NELFCD: variants seen among roughly 807,000 people sequenced by gnomAD.
The protein encoded by NELFCD is negative elongation factor C/D.
NELFCD carries 48 observed loss-of-function variants against 72.9 expected under a neutral mutation model. The ratio of observed to expected loss-of-function variants is 0.66; its 90% CI spans 0.52 to 0.84. The LOEUF (loss-of-function observed/expected upper bound fraction) is 0.84, where lower values mean the gene tolerates loss of function less well. Ranked by LOEUF, NELFCD falls within the 40% of genes least tolerant of loss-of-function variation. NELFCD has a pLI of 0.00. For synonymous variants in NELFCD, 297 were observed against 280.6 expected (o/e 1.06, Z -0.59); for missense variants, 538 against 723.8 (o/e 0.74, Z 2.94).
At chr20:58,992,470 C>T (rs989778984) in intron 10 of NELFCD, among the ~76,000 whole-genome samples, 2 of 152,226 alleles carry the variant, frequency 1.3e-5, no homozygotes, top group East Asian at 1.9e-4. Flanking sequence ...ACCCAGTCCA[C>T]CAAACTCACT....
chr20:58,994,637 T>A lies in NELFCD; in HGVS notation c.1712-5T>A, dbSNP rs2091845849. On this transcript the variant is annotated splice_region_variant and splice_polypyrimidine_tract_variant and intron_variant, in intron 14 of 14. Coordinates refer to ENST00000652272, the MANE Select transcript of NELFCD (RefSeq NM_198976.4). ...CTAACACAGTCACTGTTTTCCTCGT[T>A]AAAGCTCACTGCAAATCTAACTTCA... The A allele has an allele frequency of 6.2e-7, 1 of 1,607,360 alleles. No homozygotes were observed. The highest frequency in any genetic ancestry group is 1.3e-5 in the African/African-American group (1 of 74,806).
At chr20:58,987,135 T>G (rs1442564967) in intron 3 of NELFCD, 2 of 433,172 alleles carry the variant, frequency 4.6e-6, no homozygotes, top group Non-Finnish European at 8.2e-6. Context: ...TGTAGAATTA[T>G]AGGATTATAC....
chr20:58,983,298 G>C (rs529940501), intron 1 of NELFCD, among the ~76,000 whole-genome samples: 2 of 151,786 alleles, frequency 1.3e-5, no homozygotes, highest in Non-Finnish European at 2.9e-5. Context: ...CATCATGTCC[G>C]GCTAATTTTT....
In NELFCD at chr20:58,991,961, C is replaced by G; in HGVS notation, c.1170C>G (p.Asn390Lys). 1 of 1,614,110 alleles carries G rather than the reference C, an allele frequency of 6.2e-7. No individual in the cohort carries two copies. Among genetic ancestry groups the G allele is most frequent in the East Asian group, 2.2e-5 (1 of 44,878 alleles). ...AAACCGTTCACAATTTGTGTTGCAA[C>G]GAGAACAAAGGGGCCTCTGAACTAG... ...AVETVHNLCC[N>K]ENKGASELVA... The change falls in exon 10 of 15, where the codon AAC becomes AAG. Residue 390 changes from asparagine (N) to lysine (K), a missense_variant. Physicochemically the swap from Asn to Lys is moderately conservative, Grantham distance 94 (BLOSUM62 0). Transcript: ENST00000652272.
At position 58,989,998 on chromosome 20, in the gene NELFCD, CCT is replaced by C. The variant is rs781708442; in HGVS notation, c.788+11_788+12del. 1 of 1,610,788 alleles carries C rather than the reference CCT, an allele frequency of 6.2e-7. No individual in the cohort carries two copies. The highest frequency in any genetic ancestry group is 1.1e-5 in the South Asian group (1 of 91,016). On this transcript the variant is annotated intron_variant, in intron 7 of 14. Transcript: ENST00000652272. ...GCTTTGCCCAGGAGAAGTGAGAGGC[CCT>C]GTTTCTGCTCAGCCCTTCCTTCCTA...
chr20:58,985,374 G>A (rs2091764456), intron 1 of NELFCD, among the ~76,000 whole-genome samples: 1 of 152,220 alleles, frequency 6.6e-6, no homozygotes, highest in Admixed American at 6.5e-5. Flanking sequence ...TGAGCATAGT[G>A]CAGACTGAAT....
At chr20:58,982,871 G>A (rs2091745902) in intron 1 of NELFCD, among the ~76,000 whole-genome samples, 2 of 152,136 alleles carry the variant, frequency 1.3e-5, no homozygotes, top group Non-Finnish European at 1.5e-5. Flanking sequence ...TGTGTCATGC[G>A]TTATCCCCTT....
rs2091798525 is a variant in NELFCD, at chr20:58,989,572, C to T, written c.589C>T (p.Arg197Trp). ...QQLEVFSRVL[R>W]TSLATILDGG... ...GCTAGAAGTGTTCTCGAGAGTGCTCCGGACCTCTCTAGCTACAATTTTAGA... is the reference window on the plus strand; with the variant it reads ...GCTAGAAGTGTTCTCGAGAGTGCTCTGGACCTCTCTAGCTACAATTTTAGA... Residue 197 changes from arginine (R) to tryptophan (W), a missense_variant, in exon 6 of 15, where the codon CGG (arginine) becomes TGG (tryptophan). Arg to Trp is a moderately radical substitution (Grantham distance 101, BLOSUM62 -3). Transcript: ENST00000652272. 3 of 1,614,090 alleles carry T rather than the reference C, an allele frequency of 1.9e-6. No individual in the cohort carries two copies. Among genetic ancestry groups the T allele is most frequent in the Non-Finnish European group, 2.5e-6 (3 of 1,179,986 alleles).
intron 1 of NELFCD, among the ~76,000 whole-genome samples, chr20:58,982,747 G>A (rs2146346742): frequency 6.6e-6 from 1 of 152,300 alleles, no homozygotes; most frequent in East Asian, 1.9e-4. Context: ...TTGTTCAGGA[G>A]TTTGGGGCAG....
chr20:58,983,059 G>A (rs1480208332), intron 1 of NELFCD, among the ~76,000 whole-genome samples: 2 of 151,700 alleles, frequency 1.3e-5, no homozygotes, highest in African/African-American at 4.9e-5. Flanking sequence ...TACCAAAGTG[G>A]TCCAGATGAG....
intron 4 of NELFCD, 155 bp downstream of exon 4, chr20:58,987,972 T>G: frequency 1.6e-6 from 1 of 629,166 alleles, no homozygotes; most frequent in East Asian, 2.7e-5. Flanking sequence ...AGAATTGCCC[T>G]TTAAACTCTG....
intron 5 of NELFCD, chr20:58,989,276 C>T (rs1392139802): frequency 3.1e-6 from 2 of 643,008 alleles, no homozygotes; most frequent in East Asian, 2.7e-5. Flanking sequence ...GGCGTGCCTG[C>T]TTGATCTTCC....
intron 6 of NELFCD, 84 bp from the exon 7 acceptor site, chr20:58,989,774 C>T (rs774626381): frequency 3.8e-5 from 61 of 1,607,462 alleles, no homozygotes; most frequent in Non-Finnish European, 4.7e-5. Context: ...CTCCCGGGCC[C>T]GAGCACGGTG....
In NELFCD at chr20:58,994,773, G is replaced by T; in HGVS notation, c.*97G>T. ...TTTTAAGAGGCTCGGGCAGCGTCTT[G>T]AAAATGGGCACCGCTGGGAGGAGGT... On this transcript the variant is annotated 3_prime_UTR_variant, in exon 15 of 15. Coordinates refer to ENST00000652272, the MANE Select transcript of NELFCD (RefSeq NM_198976.4). The T allele has an allele frequency of 1.0e-6, 1 of 986,254 alleles. No individual in the cohort carries two copies. The highest frequency in any genetic ancestry group is 1.4e-5 in the South Asian group (1 of 73,426). The allele number at this position is 986,254 out of a possible 1,614,324, so 61.1% of individuals were successfully genotyped here. A position where few individuals can be genotyped will look rare whatever the true frequency, so the allele number is the denominator to read the frequency against.
Position 58,993,982 on chromosome 20 carries a change from A to T in NELFCD, c.1582-128A>T. On this transcript the variant is annotated intron_variant, in intron 13 of 14. Coordinates refer to ENST00000652272, the MANE Select transcript of NELFCD (RefSeq NM_198976.4). The surrounding 1 kb of genome is among the most constrained non-coding windows in gnomAD (Gnocchi z 5.0). ...CACCCTGGGCATCTGAATGTTGGAG[A>T]TGGGTGGTGTCACCGGCCGGTGGGG... The T allele has an allele frequency of 8.4e-7, 1 of 1,187,212 alleles. No individual in the cohort carries two copies. Among genetic ancestry groups the T allele is most frequent in the Admixed American group, 1.9e-5 (1 of 51,702 alleles). The allele number at this position is 1,187,212 out of a possible 1,614,324, so 73.5% of individuals were successfully genotyped here.
At chr20:58,983,901 G>A (rs1199507044) in intron 1 of NELFCD, among the ~76,000 whole-genome samples, 1 of 152,138 alleles carries the variant, frequency 6.6e-6, no homozygotes, top group Non-Finnish European at 1.5e-5. Flanking sequence ...TTTTAATCAT[G>A]ATCCTAATTT....
intron 14 of NELFCD, 34 bp downstream of exon 14, chr20:58,994,273 G>GA (rs1280304282): frequency 6.2e-7 from 1 of 1,606,300 alleles, no homozygotes; most frequent in Non-Finnish European, 8.5e-7. Flanking sequence ...TACTACAATA[G>GA]AAAATGTCAG....
At chr20:58,988,702 G>A (rs2091790393) in intron 4 of NELFCD, among the ~76,000 whole-genome samples, 1 of 152,134 alleles carries the variant, frequency 6.6e-6, no homozygotes, top group Admixed American at 6.5e-5. Flanking sequence ...TGTTGAGTCC[G>A]ATTTTCTAAA....
chr20:58,986,112 A>G lies in NELFCD; in HGVS notation c.80A>G (p.Glu27Gly). Reference sequence around the variant, plus strand: ...CAACAGCAGGAGGATGATTCTGGAGAAGGAGAGGATGATGCGGAGGTTCAG... The same window carrying G: ...CAACAGCAGGAGGATGATTCTGGAGGAGGAGAGGATGATGCGGAGGTTCAG... ...DGGQQEDDSG[E>G]GEDDAEVQQE... The change falls in exon 2 of 15, where the codon GAA becomes GGA. Residue 27 changes from glutamate (E) to glycine (G), a missense_variant. Glu to Gly is a moderately conservative substitution (Grantham distance 98). This residue lies in a region of NELFCD where 47 missense variants were observed against 35.3 expected (regional missense o/e 1.33). Coordinates refer to ENST00000652272, the MANE Select transcript of NELFCD (RefSeq NM_198976.4). The surrounding 1 kb of genome is among the most constrained non-coding windows in gnomAD (Gnocchi z 4.4). 6.2e-7 allele frequency: 1 copy of G among 1,613,584 alleles called. No homozygotes were observed. Among genetic ancestry groups the G allele is most frequent in the Non-Finnish European group, 8.5e-7 (1 of 1,179,482 alleles).
Sources: gnomAD v4.1 joint callset for allele counts (sites outside exome capture counted in the v4.1 genomes callset) on GRCh38, gnomAD v4.1.1 for gene constraint, gnomAD v4.1.1 regional missense constraint, Gnocchi (gnomAD v3.1) non-coding constraint, MANE v1.5 for transcripts, NCBI Gene and HGNC (gene_info 2026-07-23, HGNC 2026-07-21) for gene names.